ELL: variants seen among roughly 807,000 people sequenced by gnomAD.
ELL encodes the protein elongation factor for RNA polymerase II.
ELL carries 18 observed loss-of-function variants against 64.0 expected under a neutral mutation model. The observed-to-expected ratio is 0.28, with a 90% CI of 0.19 to 0.42. The LOEUF is 0.42. Ranked by LOEUF, ELL falls within the 10% of genes least tolerant of loss-of-function variation. The pLI is 1.00. For synonymous variants in ELL, 399 were observed against 376.2 expected, an observed-to-expected ratio of 1.06 and a Z score of -0.70; for missense variants, 797 against 870.4, an observed-to-expected ratio of 0.92 and a Z score of 1.06.
Position 18,460,179 on chromosome 19 carries a change from T to G in ELL, c.744+1399A>C, listed in dbSNP as rs907003113. On this transcript the variant is annotated intron_variant, in intron 5 of 11. Coordinates refer to ENST00000262809, the MANE Select transcript of ELL (RefSeq NM_006532.4). ...AGGCATGCAGTTTTGTCACTGCCATTCCTCAGCATGTCTGAGGGCCTGTGA... is the reference window on the plus strand; with the variant it reads ...AGGCATGCAGTTTTGTCACTGCCATGCCTCAGCATGTCTGAGGGCCTGTGA... Among the ~76,000 whole-genome samples, 5 of 151,966 alleles carry G rather than the reference T, an allele frequency of 3.3e-5. No individual in the cohort carries two copies. In the East Asian group the frequency reaches 9.6e-4, roughly 29 times the overall value.
At chr19:18,496,586 G>A (rs1055070149) in intron 1 of ELL, among the ~76,000 whole-genome samples, 63 of 152,272 alleles carry the variant, frequency 4.1e-4, no homozygotes, top group African/African-American at 1.4e-3. Context: ...CAGAGATCAT[G>A]GGTTGGAGGC....
chr19:18,473,158 G>A (rs1226318816), intron 1 of ELL: 1 of 671,386 alleles, frequency 1.5e-6, no homozygotes, highest in East Asian at 2.8e-5. Context: ...CTGGCGGAAG[G>A]CCCAGGATGC....
chr19:18,514,095 T>C (rs533399460), intron 1 of ELL, among the ~76,000 whole-genome samples: 1 of 152,212 alleles, frequency 6.6e-6, no homozygotes, highest in South Asian at 2.1e-4. Flanking sequence ...GAGGATATAA[T>C]TAGCATCAGA....
chr19:18,488,184 G>T lies in ELL; in HGVS notation c.136-15302C>A, dbSNP rs1029455708. Reference sequence around the variant, plus strand: ...CCACCTGGGTCTTATCTCACAAAAGGATCGGCCCTGTTATTGGGTTAGGTC... The same window carrying T: ...CCACCTGGGTCTTATCTCACAAAAGTATCGGCCCTGTTATTGGGTTAGGTC... On this transcript the variant is annotated intron_variant, in intron 1 of 11. Coordinates refer to ENST00000262809, the MANE Select transcript of ELL (RefSeq NM_006532.4). 8.5e-5 allele frequency among the ~76,000 whole-genome samples: 13 copies of T among 152,322 alleles called. No individual in the cohort carries two copies. The East Asian group carries it at 2.5e-3, about 29-fold the overall frequency.
intron 1 of ELL, among the ~76,000 whole-genome samples, chr19:18,495,286 T>C (rs909242106): frequency 2.6e-5 from 4 of 151,994 alleles, no homozygotes; most frequent in African/African-American, 9.7e-5. Context: ...GTGTCTGGCA[T>C]GACAAGGCTC....
intron 1 of ELL, among the ~76,000 whole-genome samples, chr19:18,475,360 G>C (rs1975154775): frequency 6.6e-6 from 1 of 152,180 alleles, no homozygotes; most frequent in South Asian, 2.1e-4. Flanking sequence ...GCTGACAAGA[G>C]CAAGTGTTGG....
chr19:18,504,037 C>G (rs543634576), intron 1 of ELL, among the ~76,000 whole-genome samples: 1 of 152,390 alleles, frequency 6.6e-6, no homozygotes, highest in Non-Finnish European at 1.5e-5. Context: ...GACTCCTCGG[C>G]ATCCAGGGAG....
chr19:18,492,612 A>G (rs1211058860), intron 1 of ELL, among the ~76,000 whole-genome samples: 1 of 152,320 alleles, frequency 6.6e-6, no homozygotes, highest in South Asian at 2.1e-4. Flanking sequence ...ACTGGGTCAC[A>G]TATTTCTTTT....
chr19:18,478,739 T>G (rs976539565), intron 1 of ELL, among the ~76,000 whole-genome samples: 2 of 152,090 alleles, frequency 1.3e-5, no homozygotes, highest in African/African-American at 4.8e-5. Context: ...CAACTGGACT[T>G]CAGACCCTGA....
At chr19:18,502,483 G>A (rs1410594846) in intron 1 of ELL, among the ~76,000 whole-genome samples, 3 of 152,178 alleles carry the variant, frequency 2.0e-5, no homozygotes, top group African/African-American at 7.2e-5. Flanking sequence ...CTGCCAGCGG[G>A]CACCCCCACC....
At chr19:18,516,659 C>T (rs1410826828) in intron 1 of ELL, among the ~76,000 whole-genome samples, 1 of 152,100 alleles carries the variant, frequency 6.6e-6, no homozygotes, top group Non-Finnish European at 1.5e-5. Context: ...CAGGCAGGGA[C>T]CAGCCCCCCA....
chr19:18,521,243 G>A (rs533759986), intron 1 of ELL, among the ~76,000 whole-genome samples: 1 of 152,126 alleles, frequency 6.6e-6, no homozygotes, highest in Admixed American at 6.5e-5. Context: ...GAGAGAGAGG[G>A]TCACCTGGGG....
intron 1 of ELL, among the ~76,000 whole-genome samples, chr19:18,508,328 T>C (rs966024385): frequency 3.9e-5 from 6 of 151,988 alleles, no homozygotes; most frequent in African/African-American, 1.5e-4. Flanking sequence ...AAAACAAAAA[T>C]AGAATAAAAT....
At chr19:18,477,505 T>C (rs1975201964) in intron 1 of ELL, among the ~76,000 whole-genome samples, 1 of 152,068 alleles carries the variant, frequency 6.6e-6, no homozygotes, top group African/African-American at 2.4e-5. Context: ...GCAGGAAAAC[T>C]ACCAGGTCGT....
intron 2 of ELL, among the ~76,000 whole-genome samples, chr19:18,468,842 G>A (rs1000308070): frequency 1.4e-4 from 21 of 152,226 alleles, no homozygotes; most frequent in Non-Finnish European, 2.5e-4. Flanking sequence ...ACTCAGCAGA[G>A]AGCTGGCAGT....
intron 1 of ELL, among the ~76,000 whole-genome samples, chr19:18,483,592 G>GT (rs1351613883): frequency 6.6e-6 from 1 of 152,154 alleles, no homozygotes; most frequent in Non-Finnish European, 1.5e-5. Context: ...GGAAAATGAG[G>GT]TACTGAGAGA....
chr19:18,512,376 G>A lies in ELL; in HGVS notation c.135+9545C>T, dbSNP rs546107835. Among the ~76,000 whole-genome samples the A allele has an allele frequency of 9.2e-5, 14 of 152,230 alleles. No homozygotes were observed. In the South Asian group the frequency reaches 2.5e-3, roughly 27 times the overall value. ...AAACAGGCCAGGTGCGGTGACTCAC[G>A]CCTGTAATCCCGGCATTTTGGGAGG... On this transcript the variant is annotated intron_variant, in intron 1 of 11. Coordinates refer to ENST00000262809, the MANE Select transcript of ELL (RefSeq NM_006532.4).
At chr19:18,471,268 G>A (rs1975059109) in intron 2 of ELL, 1 of 368,452 alleles carries the variant, frequency 2.7e-6, no homozygotes, top group Non-Finnish European at 5.4e-6. Context: ...CCAACTACTT[G>A]AGAAGCTGAG....
At chr19:18,472,662 T>A in intron 2 of ELL, 173 bp downstream of exon 2, 1 of 739,478 alleles carries the variant, frequency 1.4e-6, no homozygotes, top group South Asian at 1.9e-5. Flanking sequence ...CGACACGTCC[T>A]GGTGTGGCCC....
Sources: gnomAD v4.1 joint callset for allele counts (sites outside exome capture counted in the v4.1 genomes callset) on GRCh38, gnomAD v4.1.1 for gene constraint, MANE v1.5 for transcripts, NCBI Gene and HGNC (gene_info 2026-07-23, HGNC 2026-07-21) for gene names.